The following PEMT variants were observed in gnomAD, a reference collection of about 807,000 sequenced individuals.
PEMT encodes the protein phosphatidylethanolamine N-methyltransferase, also known as phospholipid methyltransferase.
In PEMT, 23 loss-of-function variants were observed where a neutral mutation model predicts 27.4. The observed-to-expected ratio is 0.84, with a 90% CI of 0.60 to 1.19. The LOEUF (loss-of-function observed/expected upper bound fraction) is 1.19, where lower values mean the gene tolerates loss of function less well. Ranked by LOEUF, PEMT falls within the 50% of genes most tolerant of loss-of-function variation. PEMT has a pLI of 0.00. For synonymous variants in PEMT, 137 were observed against 139.1 expected (o/e 0.98, Z 0.11); for missense variants, 307 against 310.1 (o/e 0.99, Z 0.07).
upstream of PEMT, chr17:17,592,141 C>G: frequency 1.0e-6 from 1 of 982,696 alleles, no homozygotes; most frequent in Non-Finnish European, 1.2e-6. Flanking sequence ...TCGCTTTACT[C>G]TGGGGGCGGT....
intron 2 of PEMT, among the ~76,000 whole-genome samples, chr17:17,536,034 G>A (rs1028853376): frequency 6.6e-6 from 1 of 152,208 alleles, no homozygotes; most frequent in Non-Finnish European, 1.5e-5. Flanking sequence ...GTCTCCCCAA[G>A]GGCCTACAAT....
At chr17:17,576,607 C>T (rs1414721403) in intron 2 of PEMT, among the ~76,000 whole-genome samples, 1 of 152,224 alleles carries the variant, frequency 6.6e-6, no homozygotes, top group Non-Finnish European at 1.5e-5. Context: ...ACCAGACTGC[C>T]AGGCACATGT....
At position 17,505,699 on chromosome 17, in the gene PEMT, G is replaced by A; in HGVS notation, c.*92C>T. 1 of 1,400,574 alleles carries A rather than the reference G, an allele frequency of 7.1e-7. No homozygotes were observed. The highest frequency in any genetic ancestry group is 9.4e-7 in the Non-Finnish European group (1 of 1,061,614). 86.8% of individuals were successfully genotyped at this position (1,400,574 alleles called of 1,614,324 possible). A position where few individuals can be genotyped will look rare whatever the true frequency, so the allele number is the denominator to read the frequency against. ...AGCCCACGCCGGGGGCGAGCCCTGA[G>A]CAGCAGGCACCATTCTCGCCCTGCG... On this transcript the variant is annotated 3_prime_UTR_variant, in exon 7 of 7. Coordinates refer to ENST00000255389, the MANE Select transcript of PEMT (RefSeq NM_148172.3).
chr17:17,566,159 T>C (rs965958114), intron 2 of PEMT, among the ~76,000 whole-genome samples: 178 of 152,284 alleles, frequency 1.2e-3, no homozygotes, highest in African/African-American at 4.1e-3. Context: ...GACCCAGGAA[T>C]GGGGTAAAGC....
chr17:17,532,311 TA>T (rs1293713291), intron 2 of PEMT, among the ~76,000 whole-genome samples: 2 of 152,098 alleles, frequency 1.3e-5, no homozygotes, highest in African/African-American at 2.4e-5. Context: ...AGGAATCCAC[TA>T]AAAAAATTTC....
intron 2 of PEMT, among the ~76,000 whole-genome samples, chr17:17,528,915 C>G (rs866774900): frequency 1.2e-4 from 19 of 152,228 alleles, no homozygotes; most frequent in African/African-American, 4.6e-4. Context: ...CGAGGCATTT[C>G]CTCCCCAGCC....
At chr17:17,508,816 G>C (rs1250247688) in intron 5 of PEMT, 1 of 458,298 alleles carries the variant, frequency 2.2e-6, no homozygotes, top group Non-Finnish European at 4.5e-6. Flanking sequence ...CCCTCTGTGG[G>C]AAGGGGTATC....
At position 17,582,785 on chromosome 17, in the gene PEMT, C is replaced by T. The variant is rs1413450478; in HGVS notation, c.97-5758G>A. On this transcript the variant is annotated intron_variant, in intron 1 of 6. Transcript: ENST00000255389. The surrounding 1 kb of genome is among the most constrained non-coding windows in gnomAD (Gnocchi z 4.9). The stretch of plus-strand genomic sequence containing the variant: ...TTTCCTCTAAGTTTATTCTCTGGGC[C>T]GGGCGCGATGGCTCACCCCCGTAAT... Among the ~76,000 whole-genome samples the T allele has an allele frequency of 6.6e-6, 1 of 152,150 alleles. No homozygotes were observed. Among genetic ancestry groups the T allele is most frequent in the African/African-American group, 2.4e-5 (1 of 41,434 alleles).
intron 1 of PEMT, among the ~76,000 whole-genome samples, chr17:17,591,062 A>G (rs1912558516): frequency 2.0e-5 from 3 of 152,132 alleles, no homozygotes; most frequent in African/African-American, 7.2e-5. Flanking sequence ...TGGGGGATGG[A>G]CGGGAGCAGG....
In PEMT at chr17:17,574,930, G is replaced by A. The variant is rs375951057; in HGVS notation, c.204+1990C>T. Reference sequence around the variant, plus strand: ...AGAAGGACTGTGGACAGCCAAGAGCGTGGCACACCCAACACTCCAAAGGTT... The same window carrying A: ...AGAAGGACTGTGGACAGCCAAGAGCATGGCACACCCAACACTCCAAAGGTT... On this transcript the variant is annotated intron_variant, in intron 2 of 6. Coordinates refer to ENST00000255389, the MANE Select transcript of PEMT (RefSeq NM_148172.3). Among the ~76,000 whole-genome samples the A allele has an allele frequency of 3.9e-5, 6 of 152,328 alleles. No homozygotes were observed. The South Asian group carries it at 8.3e-4, about 21-fold the overall frequency.
intron 2 of PEMT, among the ~76,000 whole-genome samples, chr17:17,568,019 T>C (rs1910944948): frequency 6.6e-6 from 1 of 151,986 alleles, no homozygotes; most frequent in African/African-American, 2.4e-5. Flanking sequence ...TCCTAACTTC[T>C]GACACACACA....
chr17:17,579,176 C>T (rs77225073), intron 1 of PEMT, among the ~76,000 whole-genome samples: 435 of 152,338 alleles, frequency 2.9e-3, no homozygotes, highest in African/African-American at 9.9e-3. Flanking sequence ...CTTCCCCAAA[C>T]GACAGTCTCC....
At chr17:17,527,956 T>G (rs1439476913) in intron 2 of PEMT, among the ~76,000 whole-genome samples, 1 of 152,162 alleles carries the variant, frequency 6.6e-6, no homozygotes. Context: ...CCATCTGGAT[T>G]CCACAGCCAG....
Position 17,582,806 on chromosome 17 carries a change from G to A in PEMT, c.97-5779C>T, listed in dbSNP as rs534219329. On this transcript the variant is annotated intron_variant, in intron 1 of 6. Coordinates refer to ENST00000255389, the MANE Select transcript of PEMT (RefSeq NM_148172.3). This position sits in a 1 kb window ranked among gnomAD's most constrained non-coding sequence, Gnocchi z 4.9. ...GGGCCGGGCGCGATGGCTCACCCCC[G>A]TAATCCCAGCACTTTGGGAGGCCTA... Among the ~76,000 whole-genome samples, 4 of 152,162 alleles carry A rather than the reference G, an allele frequency of 2.6e-5. No individual in the cohort carries two copies. Among genetic ancestry groups the A allele is most frequent in the Non-Finnish European group, 4.4e-5 (3 of 68,032 alleles).
intron 2 of PEMT, among the ~76,000 whole-genome samples, chr17:17,569,474 A>G (rs1911045986): frequency 1.3e-5 from 2 of 152,214 alleles, no homozygotes; most frequent in African/African-American, 2.4e-5. Context: ...CAGGGAGAGC[A>G]GAAAGCAGGG....
intron 2 of PEMT, among the ~76,000 whole-genome samples, chr17:17,528,016 C>A (rs1016561036): frequency 6.6e-6 from 1 of 152,246 alleles, no homozygotes; most frequent in Non-Finnish European, 1.5e-5. Context: ...ACCTGGGGGT[C>A]TAGAATGCCC....
intron 1 of PEMT, among the ~76,000 whole-genome samples, chr17:17,590,511 G>T (rs1324058085): frequency 1.3e-5 from 2 of 151,048 alleles, no homozygotes; most frequent in African/African-American, 5.0e-5. Flanking sequence ...CTCCTTCAGA[G>T]AACTCTCTGG....
At chr17:17,553,011 AC>A (rs913083344) in intron 2 of PEMT, among the ~76,000 whole-genome samples, 1 of 151,756 alleles carries the variant, frequency 6.6e-6, no homozygotes, top group Non-Finnish European at 1.5e-5. Flanking sequence ...CCTCCCAGAA[AC>A]CCCAATCGCA....
chr17:17,545,330 C>T (rs1209877483), intron 2 of PEMT, among the ~76,000 whole-genome samples: 4 of 152,218 alleles, frequency 2.6e-5, no homozygotes, highest in African/African-American at 9.7e-5. Context: ...AGGGTGTGCC[C>T]GGAGGTCACA....
Sources: allele counts gnomAD v4.1 joint callset (sites outside exome capture counted in the v4.1 genomes callset), GRCh38; gene constraint gnomAD v4.1.1; non-coding constraint Gnocchi (gnomAD v3.1); transcripts MANE v1.5; gene names NCBI Gene and HGNC (gene_info 2026-07-23, HGNC 2026-07-21).